The following TTLL7 variants were observed in gnomAD, a reference collection of about 807,000 sequenced individuals.
TTLL7 encodes tubulin polyglutamylase TTLL7.
A neutral mutation model predicts 120.2 loss-of-function variants in TTLL7; 53 were observed. That is an observed-to-expected ratio of 0.44 (90% confidence interval 0.35 to 0.55). TTLL7 has a LOEUF of 0.55. TTLL7 is among the 20% of genes least tolerant of loss of function. The pLI is 0.00. For missense variants in TTLL7, 803 were observed against 1,054.7 expected, an observed-to-expected ratio of 0.76 and a Z score of 3.31; for synonymous variants, 353 against 351.7, an observed-to-expected ratio of 1.00 and a Z score of -0.04.
intron 20 of TTLL7, among the ~76,000 whole-genome samples, chr1:83,877,022 G>C (rs72722886): frequency 6.6e-6 from 1 of 151,866 alleles, no homozygotes; most frequent in Non-Finnish European, 1.5e-5. Context: ...TATGTTTGTT[G>C]TAAGTTTTTC....
chr1:83,987,331 C>A (rs1414854741), intron 1 of TTLL7, among the ~76,000 whole-genome samples: 1 of 151,828 alleles, frequency 6.6e-6, no homozygotes, highest in Non-Finnish European at 1.5e-5. Context: ...CACCTGGGGA[C>A]ATGCCATGTC....
At chr1:83,944,776 G>T (rs1648317010) in intron 6 of TTLL7, among the ~76,000 whole-genome samples, 1 of 152,086 alleles carries the variant, frequency 6.6e-6, no homozygotes. Context: ...TTTTCCTAAT[G>T]AATTAAAAGA....
At position 83,907,626 on chromosome 1, in the gene TTLL7, T is replaced by C. The variant is rs141367927; in HGVS notation, c.1822A>G (p.Ile608Val). 439 of 1,613,040 alleles carry C rather than the reference T, an allele frequency of 2.7e-4. 2 individuals are homozygous for C. Among genetic ancestry groups the C allele is most frequent in the African/African-American group, 7.2e-4 (54 of 74,956 alleles). ...IRRSVSCPRS[I>V]SAQSPSSGDT... ...CCACTGGAAGGTGATTGAGCAGAGA[T>C]GGACCGAGGGCAGCTGACTGAACGT... is the stretch of plus-strand genomic sequence containing the variant. Residue 608 changes from isoleucine to valine, a missense_variant, in exon 16 of 21, where the codon ATC becomes GTC. By Grantham distance (29) the Ile-to-Val change is conservative. Transcript: ENST00000260505.
chr1:83,865,641 A>AT lies in TTLL7; in HGVS notation c.*4320dup, dbSNP rs1160190295. 1 of 152,034 alleles carries AT rather than the reference A, an allele frequency of 6.6e-6. No homozygotes were observed. The highest frequency in any genetic ancestry group is 1.9e-4 in the East Asian group (1 of 5,196). 9.4% of individuals were successfully genotyped at this position (152,034 alleles called of 1,614,324 possible). A position where few individuals can be genotyped will look rare whatever the true frequency, so the allele number is the denominator to read the frequency against. ...TTTGTAGCCATATATCTTGCTTTAT[A>AT]TGTATCCAGACAATAAACGCTTTTT... On this transcript the variant is annotated 3_prime_UTR_variant, in exon 21 of 21. Coordinates refer to ENST00000260505, the MANE Select transcript of TTLL7 (RefSeq NM_024686.6).
rs139902506 is a variant in TTLL7, at chr1:83,975,825, T to A, written c.-177+23106A>T. Among the ~76,000 whole-genome samples the A allele has an allele frequency of 6.2e-3, 940 of 152,258 alleles. 18 individuals are homozygous for A. The East Asian group carries it at 0.063, about 10-fold the overall frequency. ...GTAAAAACGTAGTATTCTAATGTACTTTCTACTACAGATTTTTGTTTCTGT... is the reference window on the plus strand; with the variant it reads ...GTAAAAACGTAGTATTCTAATGTACATTCTACTACAGATTTTTGTTTCTGT... On this transcript the variant is annotated intron_variant, in intron 1 of 20. Transcript: ENST00000260505.
At chr1:83,930,190 C>T (rs573111929) in intron 9 of TTLL7, among the ~76,000 whole-genome samples, 2 of 152,114 alleles carry the variant, frequency 1.3e-5, no homozygotes, top group Non-Finnish European at 2.9e-5. Context: ...AGATAGTATT[C>T]CAGATATTTT....
chr1:83,963,950 C>G (rs1322345739), intron 1 of TTLL7, among the ~76,000 whole-genome samples: 3 of 151,986 alleles, frequency 2.0e-5, no homozygotes, highest in Admixed American at 2.0e-4. Flanking sequence ...AATGTACAGG[C>G]CTAGTTCATA....
At chr1:83,895,115 T>G (rs1457453227) in intron 18 of TTLL7, among the ~76,000 whole-genome samples, 1 of 152,130 alleles carries the variant, frequency 6.6e-6, no homozygotes, top group African/African-American at 2.4e-5. Context: ...GTTTGATATC[T>G]TAATGCCCAG....
In TTLL7 at chr1:83,984,816, T is replaced by C. The variant is rs536508052; in HGVS notation, c.-177+14115A>G. On this transcript the variant is annotated intron_variant, in intron 1 of 20. Transcript: ENST00000260505. ...GGGACGTGGGCTGAAAAACTACTGA[T>C]TGGGTACTATGCTCACTAAATGGGT... 8.5e-5 allele frequency among the ~76,000 whole-genome samples: 13 copies of C among 152,262 alleles called. No homozygotes were observed. The South Asian group carries it at 2.7e-3, about 32-fold the overall frequency.
intron 1 of TTLL7, 123 bp from the exon 2 acceptor site, chr1:83,952,510 G>T: frequency 3.4e-6 from 1 of 293,470 alleles, no homozygotes; most frequent in South Asian, 9.9e-5. Flanking sequence ...ACAAATAATT[G>T]TAAATCGGTT....
intron 1 of TTLL7, among the ~76,000 whole-genome samples, chr1:83,959,317 C>T (rs1649809675): frequency 6.6e-6 from 1 of 152,148 alleles, no homozygotes; most frequent in African/African-American, 2.4e-5. Flanking sequence ...CAGGGCAGAT[C>T]CAGGAAAGTG....
rs1429228461 is a variant in TTLL7 at position 83,865,234 on chromosome 1, C to CA, written c.*4727dup. ...TAATGTGAGTCATGATTCATGTTAG[C>CA]AAATGTATTGCTTTCAAGCTAATCC... On this transcript the variant is annotated 3_prime_UTR_variant, in exon 21 of 21. Transcript: ENST00000260505. 1 of 151,886 alleles carries CA rather than the reference C, an allele frequency of 6.6e-6. No homozygotes were observed. The highest frequency in any genetic ancestry group is 1.5e-5 in the Non-Finnish European group (1 of 67,890). 9.4% of individuals were successfully genotyped at this position (151,886 alleles called of 1,614,324 possible).
In TTLL7 at chr1:83,912,438, A is replaced by G. The variant is rs115182711; in HGVS notation, c.1588-1075T>C. On this transcript the variant is annotated intron_variant, in intron 14 of 20. Transcript: ENST00000260505. ...GTCATTCTAAGAGACTATTTATTAC[A>G]CACACCATATGCCTCCTATTCCTGA... 3.0e-3 allele frequency: 460 copies of G among 152,308 alleles called. 2 individuals are homozygous for G. The highest frequency in any genetic ancestry group is 0.01 in the African/African-American group (426 of 41,574). 9.4% of individuals were successfully genotyped at this position (152,308 alleles called of 1,614,324 possible).
intron 1 of TTLL7, among the ~76,000 whole-genome samples, chr1:83,957,380 G>C (rs1649620557): frequency 6.6e-6 from 1 of 151,968 alleles, no homozygotes; most frequent in South Asian, 2.1e-4. Context: ...AAAAAGTCAA[G>C]AGGATCCAAA....
intron 1 of TTLL7, chr1:83,979,197 C>G (rs1453382876): frequency 1.3e-5 from 2 of 152,180 alleles, no homozygotes; most frequent in African/African-American, 4.8e-5. Flanking sequence ...CTCTCTGAAG[C>G]CTCAGAGATT....
chr1:83,903,957 T>C (rs1326066272), intron 18 of TTLL7, 122 bp downstream of exon 18: 1 of 750,004 alleles, frequency 1.3e-6, no homozygotes, highest in East Asian at 2.7e-5. Context: ...ACTTAATAAG[T>C]GTTTGTTGAA....
At position 83,866,404 on chromosome 1, in the gene TTLL7, C is replaced by T. The variant is rs754920574; in HGVS notation, c.*3558G>A. The T allele has an allele frequency of 4.5e-4, 69 of 151,756 alleles. No homozygotes were observed. The highest frequency in any genetic ancestry group is 1.6e-3 in the African/African-American group (65 of 41,494). The allele number at this position is 151,756 out of a possible 1,614,324, so 9.4% of individuals were successfully genotyped here. A position where few individuals can be genotyped will look rare whatever the true frequency, so the allele number is the denominator to read the frequency against. ...CAAGTTAGATACAAAATTCCATACT[C>T]ATATATTTTACAAATTAAAAAGACA... On this transcript the variant is annotated 3_prime_UTR_variant, in exon 21 of 21. Coordinates refer to ENST00000260505, the MANE Select transcript of TTLL7 (RefSeq NM_024686.6).
chr1:83,949,014 A>G (rs192354157), intron 4 of TTLL7: 246 of 188,712 alleles, frequency 1.3e-3, no homozygotes, highest in Middle Eastern at 2.2e-3. Context: ...ATATTCACAG[A>G]CATAAGCACT....
chr1:83,988,570 T>C (rs1301752605), intron 1 of TTLL7, among the ~76,000 whole-genome samples: 2 of 152,248 alleles, frequency 1.3e-5, no homozygotes, highest in African/African-American at 2.4e-5. Context: ...TTTTCGTTAG[T>C]TGCCATTCTG....
Sources: gnomAD v4.1 joint callset for allele counts (sites outside exome capture counted in the v4.1 genomes callset) on GRCh38, gnomAD v4.1.1 for gene constraint, MANE v1.5 for transcripts, NCBI Gene and HGNC (gene_info 2026-07-23, HGNC 2026-07-21) for gene names.